Variants in CCDC62 observed in about 807,000 individuals in gnomAD.
CCDC62 encodes the protein coiled-coil domain-containing protein 62.
In CCDC62, 72 loss-of-function variants were observed where a neutral mutation model predicts 80.8. The observed-to-expected ratio is 0.89, with a 90% CI of 0.74 to 1.08. The LOEUF (loss-of-function observed/expected upper bound fraction) is 1.08. Among genes scored for constraint, CCDC62 ranks in the 50% least tolerant of loss-of-function variants. The pLI, the probability that CCDC62 is intolerant of heterozygous loss-of-function variation, is 0.00. For missense variants in CCDC62, 704 were observed against 809.4 expected, an observed-to-expected ratio of 0.87 and a Z score of 1.58; for synonymous variants, 286 against 296.5, an observed-to-expected ratio of 0.96 and a Z score of 0.36.
At chr12:122,800,158 C>T (rs186565617) in intron 8 of CCDC62, among the ~76,000 whole-genome samples, 41 of 148,482 alleles carry the variant, frequency 2.8e-4, no homozygotes, top group Middle Eastern at 3.4e-3. Context: ...CCACCATGCC[C>T]GGCTACTTTT....
intron 10 of CCDC62, among the ~76,000 whole-genome samples, chr12:122,812,793 A>G (rs910072850): frequency 2.9e-4 from 41 of 143,380 alleles, no homozygotes; most frequent in African/African-American, 1.1e-3. Flanking sequence ...GAAAGAAAGA[A>G]AGAAAGAAAG....
At chr12:122,780,707 G>A (rs1393021718) in intron 2 of CCDC62, among the ~76,000 whole-genome samples, 1 of 151,710 alleles carries the variant, frequency 6.6e-6, no homozygotes, top group African/African-American at 2.4e-5. Flanking sequence ...TCATTCAGTG[G>A]AATATTACCT....
chr12:122,784,507 G>A (rs897842379), intron 3 of CCDC62, among the ~76,000 whole-genome samples: 1 of 151,620 alleles, frequency 6.6e-6, no homozygotes, highest in Non-Finnish European at 1.5e-5. Context: ...GCAACAGAGC[G>A]AGACTCCGTC....
intron 3 of CCDC62, among the ~76,000 whole-genome samples, chr12:122,782,043 A>G (rs1307207146): frequency 6.6e-6 from 1 of 150,550 alleles, no homozygotes; most frequent in Admixed American, 6.6e-5. Flanking sequence ...AAAAAAAAAA[A>G]GCGTATGTAA....
At chr12:122,775,004 G>C (rs1011678162) in intron 1 of CCDC62, among the ~76,000 whole-genome samples, 1 of 140,804 alleles carries the variant, frequency 7.1e-6, no homozygotes, top group African/African-American at 2.6e-5. Flanking sequence ...TGAGGCAGGA[G>C]AATGGCGTGA....
At position 122,801,584 on chromosome 12, in the gene CCDC62, G is replaced by A. The variant is rs1263972951; in HGVS notation, c.1438G>A (p.Glu480Lys). Residue 480 changes from glutamate to lysine, a missense_variant, in exon 9 of 13, where the codon GAA becomes AAA. By Grantham distance (56) the Glu-to-Lys change is moderately conservative. Transcript: ENST00000253079. Reference protein sequence around the residue: ...LTNCPSSKHPEKLDVECQDQM... With the variant: ...LTNCPSSKHPKKLDVECQDQM... ...CAACTGTCCAAGTTCAAAACATCCA[G>A]AAAAGCTGGATGTAGAATGTCAAGA... 6.2e-7 allele frequency: 1 copy of A among 1,613,996 alleles called. No homozygotes were observed. Among genetic ancestry groups the A allele is most frequent in the Non-Finnish European group, 8.5e-7 (1 of 1,180,028 alleles).
chr12:122,810,870 G>A (rs1406528132), intron 10 of CCDC62, among the ~76,000 whole-genome samples: 5 of 152,198 alleles, frequency 3.3e-5, no homozygotes, highest in Admixed American at 1.3e-4. Context: ...GTCCTTTGTA[G>A]GGACATGGAT....
intron 5 of CCDC62, 140 bp downstream of exon 5, chr12:122,789,069 T>C (rs749463271): frequency 2.2e-5 from 14 of 630,948 alleles, no homozygotes; most frequent in Non-Finnish European, 3.6e-5. Flanking sequence ...ATTTCATTTA[T>C]ATAGGATTAT....
intron 9 of CCDC62, among the ~76,000 whole-genome samples, chr12:122,802,562 C>T (rs1337888937): frequency 6.6e-6 from 1 of 151,828 alleles, no homozygotes; most frequent in African/African-American, 2.4e-5. Flanking sequence ...TAAAGGCACA[C>T]ACCACCATGC....
intron 6 of CCDC62, among the ~76,000 whole-genome samples, chr12:122,793,294 A>AAAGTGTTC (rs1337503179): frequency 6.6e-6 from 1 of 152,140 alleles, no homozygotes. Context: ...AGTAGACCAA[A>AAAGTGTTC]AAGTGTTCAT....
In CCDC62 at chr12:122,806,277, A is replaced by G; in HGVS notation, c.1833A>G (p.Ala611=). The G allele has an allele frequency of 1.2e-6, 2 of 1,610,300 alleles. No individual in the cohort carries two copies. Among genetic ancestry groups the G allele is most frequent in the Non-Finnish European group, 8.5e-7 (1 of 1,177,654 alleles). ...SPTSLLIYKD[A]PAFNEKASIV... is the part of the protein sequence containing the mutation. ...CGAGTTTGTTAATCTACAAAGATGC[A>G]CCAGCATTCAATGAAAAGGTTCGTA... Residue 611 remains alanine (A), a synonymous_variant, in exon 10 of 13, where the codon GCA becomes GCG. Coordinates refer to ENST00000253079, the MANE Select transcript of CCDC62 (RefSeq NM_201435.5).
chr12:122,782,704 C>T (rs1050288831), intron 3 of CCDC62, among the ~76,000 whole-genome samples: 3 of 151,854 alleles, frequency 2.0e-5, no homozygotes, highest in Admixed American at 2.0e-4. Context: ...GTGATCCGCC[C>T]GCCTCAGCCT....
chr12:122,780,241 G>C (rs1486663696), intron 2 of CCDC62, among the ~76,000 whole-genome samples: 1 of 151,432 alleles, frequency 6.6e-6, no homozygotes, highest in African/African-American at 2.4e-5. Context: ...AACCCAGGAG[G>C]TGGAGGTTGC....
intron 6 of CCDC62, 122 bp downstream of exon 6, chr12:122,792,243 C>T: frequency 3.5e-6 from 2 of 579,038 alleles, no homozygotes; most frequent in Non-Finnish European, 6.0e-6. Context: ...TTTTTTGAGA[C>T]AGGGTCTTGC....
intron 12 of CCDC62, among the ~76,000 whole-genome samples, chr12:122,823,665 T>G (rs2135599028): frequency 6.6e-6 from 1 of 150,418 alleles, no homozygotes; most frequent in Non-Finnish European, 1.5e-5. Context: ...AAAGTTCTCC[T>G]GCACTCCAGC....
Position 122,777,278 on chromosome 12 carries a change from A to G in CCDC62, c.37-213A>G, listed in dbSNP as rs1205604099. 4 of 498,102 alleles carry G rather than the reference A, an allele frequency of 8.0e-6. No individual in the cohort carries two copies. The East Asian group carries it at 1.4e-4, about 17-fold the overall frequency. 30.9% of individuals were successfully genotyped at this position (498,102 alleles called of 1,614,324 possible). A position where few individuals can be genotyped will look rare whatever the true frequency, so the allele number is the denominator to read the frequency against. The stretch of plus-strand genomic sequence containing the variant: ...ACTTTTTAGGCATGGTACGTATGGC[A>G]TGACAGAAAATTGTAGAGAGGCAGA... On this transcript the variant is annotated intron_variant, in intron 1 of 12. Transcript: ENST00000253079.
rs967361579 is a variant in CCDC62, at chr12:122,805,175, G to A, written c.1707-976G>A. Among the ~76,000 whole-genome samples the A allele has an allele frequency of 6.0e-5, 8 of 132,404 alleles. 1 individual carries two copies. The highest frequency in any genetic ancestry group is 3.3e-4 in the Admixed American group (4 of 12,082). The allele number at this position is 132,404 out of a possible 152,430, so 86.9% of individuals were successfully genotyped here. A position where few individuals can be genotyped will look rare whatever the true frequency, so the allele number is the denominator to read the frequency against. On this transcript the variant is annotated intron_variant, in intron 9 of 12. Transcript: ENST00000253079. ...ATGGGGATTACAGGCATGAGTCACC[G>A]CAACTGGCCGGCTTTTTTTTTTTTT...
intron 6 of CCDC62, 69 bp downstream of exon 6, chr12:122,792,190 T>C (rs1593794944): frequency 6.9e-6 from 5 of 729,602 alleles, no homozygotes; most frequent in Non-Finnish European, 7.0e-6. Context: ...GAATTATACC[T>C]CTCCCAAAAT....
chr12:122,802,257 G>A (rs1386010675), intron 9 of CCDC62, among the ~76,000 whole-genome samples: 1 of 152,054 alleles, frequency 6.6e-6, no homozygotes, highest in African/African-American at 2.4e-5. Context: ...GGTCCAGATG[G>A]CATTACCTAG....
Sources: gnomAD v4.1 joint callset for allele counts (sites outside exome capture counted in the v4.1 genomes callset) on GRCh38, gnomAD v4.1.1 for gene constraint, MANE v1.5 for transcripts, NCBI Gene and HGNC (gene_info 2026-07-23, HGNC 2026-07-21) for gene names.